XKR9: variants seen among roughly 807,000 people sequenced by gnomAD.
XKR9 encodes the protein XK-related protein 9.
In XKR9, 32 loss-of-function variants were observed where a neutral mutation model predicts 32.0. That is an observed-to-expected ratio of 1.00 (90% CI 0.76 to 1.34). The LOEUF is 1.34. Ranked by LOEUF, XKR9 falls within the 40% of genes most tolerant of loss-of-function variation. XKR9 has a pLI of 0.00. For missense variants in XKR9, 546 were observed against 429.7 expected, an observed-to-expected ratio of 1.27 and a Z score of -2.39; for synonymous variants, 168 against 143.4, an observed-to-expected ratio of 1.17 and a Z score of -1.22.
chr8:70,998,038 G>A, the XKR9 span, among the ~76,000 whole-genome samples: 1 of 152,140 alleles, frequency 6.6e-6, no homozygotes, highest in East Asian at 1.9e-4. Flanking sequence ...TCATAACTGA[G>A]CCTTTTTCAA....
chr8:71,064,386 T>TA, the XKR9 span, among the ~76,000 whole-genome samples: 2 of 152,232 alleles, frequency 1.3e-5, no homozygotes, highest in Non-Finnish European at 2.9e-5. Context: ...AGTGAAAATA[T>TA]TTTATATATT....
Position 70,735,134 on chromosome 8 carries a change from A to ATGTTTT in XKR9, c.*711_*712insGTTTTT, listed in dbSNP as rs2130139198. ...ATGGTAAAAACATATAAAATTTACC[A>ATGTTTT]TCTTAATCACTTTGAGTGTACAGTT... On this transcript the variant is annotated 3_prime_UTR_variant, in exon 5 of 5. Coordinates refer to ENST00000408926, the MANE Select transcript of XKR9 (RefSeq NM_001011720.2). 1 of 152,192 alleles carries ATGTTTT rather than the reference A, an allele frequency of 6.6e-6. No individual in the cohort carries two copies. Among genetic ancestry groups the ATGTTTT allele is most frequent in the African/African-American group, 2.4e-5 (1 of 41,572 alleles). The allele number at this position is 152,192 out of a possible 1,614,324, so 9.4% of individuals were successfully genotyped here. A position where few individuals can be genotyped will look rare whatever the true frequency, so the allele number is the denominator to read the frequency against.
chr8:71,032,281 CAA>C, the XKR9 span, among the ~76,000 whole-genome samples: 3,488 of 73,212 alleles, frequency 0.048, 127 homozygotes, highest in African/African-American at 0.095. Flanking sequence ...GAGACTCTGT[CAA>C]AAAAAAAAAA....
chr8:70,734,052 C>T lies in XKR9; in HGVS notation c.750C>T (p.Asn250=), dbSNP rs1163823619. Residue 250 remains asparagine, a synonymous_variant, in exon 5 of 5, where the codon AAC becomes AAT. Transcript: ENST00000408926. ...LLGIIWAFKN[N]TQFCTCISME... ...GTATAATATGGGCATTTAAAAACAA[C>T]ACCCAGTTTTGTACTTGTATAAGTA... 1 of 1,612,986 alleles carries T rather than the reference C, an allele frequency of 6.2e-7. No homozygotes were observed. The highest frequency in any genetic ancestry group is 1.3e-5 in the African/African-American group (1 of 74,904).
At chr8:70,883,632 T>C in the XKR9 span, among the ~76,000 whole-genome samples, 1 of 152,180 alleles carries the variant, frequency 6.6e-6, no homozygotes, top group African/African-American at 2.4e-5. Context: ...GTTGAAATTA[T>C]ACATTATGTA....
the XKR9 span, among the ~76,000 whole-genome samples, chr8:70,896,025 T>A: frequency 2.6e-5 from 4 of 152,040 alleles, no homozygotes; most frequent in African/African-American, 7.2e-5. Flanking sequence ...GAAGATTTTT[T>A]AATATTGAAC....
intron 4 of XKR9, among the ~76,000 whole-genome samples, chr8:70,731,715 G>T (rs1022974144): frequency 6.6e-5 from 10 of 152,124 alleles, no homozygotes; most frequent in Non-Finnish European, 1.3e-4. Context: ...TGATCTCTGG[G>T]CAAGGTGAAG....
the XKR9 span, among the ~76,000 whole-genome samples, chr8:70,969,975 C>T: frequency 6.6e-6 from 1 of 152,172 alleles, no homozygotes; most frequent in African/African-American, 2.4e-5. Context: ...CTTAGTTTCA[C>T]ATATGAGTGA....
chr8:70,942,495 T>C, the XKR9 span, among the ~76,000 whole-genome samples: 1 of 152,084 alleles, frequency 6.6e-6, no homozygotes, highest in Non-Finnish European at 1.5e-5. Context: ...GTTGGGTGAA[T>C]TGGGGAAAAT....
chr8:70,898,634 G>A, the XKR9 span, among the ~76,000 whole-genome samples: 1 of 152,072 alleles, frequency 6.6e-6, no homozygotes, highest in Non-Finnish European at 1.5e-5. Flanking sequence ...GAATTTTCCT[G>A]ATATATTTCT....
At chr8:70,739,635 C>G (rs527387646), downstream of XKR9, among the ~76,000 whole-genome samples, 1 of 152,000 alleles carries the variant, frequency 6.6e-6, no homozygotes, top group Non-Finnish European at 1.5e-5. Context: ...TTAGTGCTTC[C>G]TTCAGGAGCT....
chr8:70,745,113 A>T (rs1807039827), intron 2 of XKR9, among the ~76,000 whole-genome samples: 2 of 144,602 alleles, frequency 1.4e-5, no homozygotes, highest in Admixed American at 1.4e-4. Context: ...AACATAGATT[A>T]AGTATTCATT....
chr8:70,669,345 C>T lies in XKR9; in HGVS notation c.-554C>T, dbSNP rs1818608852. ...GGGGGGGCGGTGCGGAACTAGAGGT[C>T]ACGTGACGCCGCGCGGGCTGCGCGG... is the stretch of plus-strand genomic sequence containing the variant. On this transcript the variant is annotated 5_prime_UTR_variant, in exon 1 of 5. Transcript: ENST00000408926. 1 of 524,866 alleles carries T rather than the reference C, an allele frequency of 1.9e-6. No individual in the cohort carries two copies. Among genetic ancestry groups the T allele is most frequent in the South Asian group, 2.4e-5 (1 of 41,958 alleles). The allele number at this position is 524,866 out of a possible 1,614,324, so 32.5% of individuals were successfully genotyped here. A position where few individuals can be genotyped will look rare whatever the true frequency, so the allele number is the denominator to read the frequency against.
chr8:70,946,799 G>A, the XKR9 span, among the ~76,000 whole-genome samples: 22 of 152,136 alleles, frequency 1.4e-4, no homozygotes, highest in Non-Finnish European at 1.2e-4. Flanking sequence ...TTATAACATT[G>A]CAACACTGGG....
At chr8:70,989,931 A>G in the XKR9 span, among the ~76,000 whole-genome samples, 1 of 152,202 alleles carries the variant, frequency 6.6e-6, no homozygotes, top group Admixed American at 6.5e-5. Context: ...GTGGAATCAC[A>G]CAATATTTGT....
intron 3 of XKR9, among the ~76,000 whole-genome samples, chr8:70,686,007 A>G (rs1198320978): frequency 6.6e-6 from 1 of 151,742 alleles, no homozygotes. Flanking sequence ...TTCTTTATAT[A>G]TTTTAATTGA....
chr8:70,989,325 C>T, the XKR9 span, among the ~76,000 whole-genome samples: 72 of 151,956 alleles, frequency 4.7e-4, no homozygotes, highest in African/African-American at 1.6e-3. Context: ...TAAATCAATT[C>T]GAAATAAAAT....
the XKR9 span, among the ~76,000 whole-genome samples, chr8:70,940,967 T>C: frequency 6.6e-6 from 1 of 152,098 alleles, no homozygotes; most frequent in Non-Finnish European, 1.5e-5. Flanking sequence ...AACTTTTTTA[T>C]TATTATTTTA....
At chr8:70,972,058 C>T in the XKR9 span, among the ~76,000 whole-genome samples, 1 of 152,064 alleles carries the variant, frequency 6.6e-6, no homozygotes, top group Non-Finnish European at 1.5e-5. Flanking sequence ...GCTGTATGGT[C>T]ATTTTCACAA....
Sources: gnomAD v4.1 joint callset for allele counts (sites outside exome capture counted in the v4.1 genomes callset) on GRCh38, gnomAD v4.1.1 for gene constraint, MANE v1.5 for transcripts, NCBI Gene and HGNC (gene_info 2026-07-23, HGNC 2026-07-21) for gene names.